Variants in ZNF124 observed in about 807,000 individuals in gnomAD.
ZNF124 encodes the protein zinc finger protein 124.
A neutral mutation model predicts 26.6 loss-of-function variants in ZNF124; 25 were observed. That is an observed-to-expected ratio of 0.94 (90% confidence interval 0.68 to 1.31). The LOEUF is 1.31. Ranked by LOEUF, ZNF124 falls within the 40% of genes most tolerant of loss-of-function variation. The probability of loss-of-function intolerance (pLI) is 0.00; values close to 1 mark genes in which losing one functional copy is unlikely to be tolerated. For missense variants in ZNF124, 444 were observed against 422.2 expected (o/e 1.05, Z -0.45); for synonymous variants, 129 against 133.3 (o/e 0.97, Z 0.22).
In ZNF124 at chr1:247,123,896, T is replaced by C. The variant is rs2103095706; in HGVS notation, c.219-25A>G. On this transcript the variant is annotated intron_variant, in intron 3 of 3. Transcript: ENST00000472531. ...TCTGCAAGAAAAGGCATGATACTGA[T>C]TGCAAAAATGGCAGCAACTCTTCAT... 7.1e-6 allele frequency: 5 copies of C among 702,198 alleles called. No individual in the cohort carries two copies. In the East Asian group the frequency reaches 8.0e-5, roughly 11 times the overall value. The allele number at this position is 702,198 out of a possible 1,614,324, so 43.5% of individuals were successfully genotyped here.
chr1:247,157,951 A>T (rs1361207851), intron 3 of ZNF124, among the ~76,000 whole-genome samples: 16 of 79,114 alleles, frequency 2.0e-4, no homozygotes, highest in African/African-American at 8.8e-4. Context: ...TCCGATTGTT[A>T]AAAAAAAAAA....
chr1:247,147,228 CT>C (rs549013458), intron 3 of ZNF124, among the ~76,000 whole-genome samples: 15,756 of 127,118 alleles, frequency 0.12, 1,015 homozygotes, highest in African/African-American at 0.23. Context: ...ATTGGCTTAA[CT>C]TTTTTTTTTT....
At chr1:247,126,125 G>C (rs909962822) in intron 3 of ZNF124, among the ~76,000 whole-genome samples, 1 of 151,948 alleles carries the variant, frequency 6.6e-6, no homozygotes, top group Non-Finnish European at 1.5e-5. Context: ...TTATTATATT[G>C]TACCCTATTT....
chr1:247,134,423 A>C (rs2103101773), intron 3 of ZNF124, among the ~76,000 whole-genome samples: 1 of 152,284 alleles, frequency 6.6e-6, no homozygotes, highest in East Asian at 1.9e-4. Context: ...TACCAAGCAA[A>C]TGTAAAGCAA....
At chr1:247,125,651 C>A (rs915022995) in intron 3 of ZNF124, among the ~76,000 whole-genome samples, 1 of 105,548 alleles carries the variant, frequency 9.5e-6, no homozygotes, top group African/African-American at 3.8e-5. Flanking sequence ...AGGCTGGTCT[C>A]CAACTCCTGA....
chr1:247,141,413 C>G (rs1672623754), intron 3 of ZNF124, among the ~76,000 whole-genome samples: 2 of 151,948 alleles, frequency 1.3e-5, no homozygotes, highest in South Asian at 4.2e-4. Flanking sequence ...GCACTGCTGG[C>G]ATAAGCTTGG....
rs559064745 is a variant in ZNF124 at position 247,132,766 on chromosome 1, T to C, written c.219-8895A>G. Reference sequence around the variant, plus strand: ...TAGAAAAGCACTGTGAAAATCCCTGTCCTGTTCTGTTCCGTTCTGATTACC... The same window carrying C: ...TAGAAAAGCACTGTGAAAATCCCTGCCCTGTTCTGTTCCGTTCTGATTACC... On this transcript the variant is annotated intron_variant, in intron 3 of 3. Transcript: ENST00000472531. Among the ~76,000 whole-genome samples, 5 of 152,306 alleles carry C rather than the reference T, an allele frequency of 3.3e-5. No individual in the cohort carries two copies. In the East Asian group the frequency reaches 9.7e-4, roughly 29 times the overall value.
In ZNF124 at chr1:247,159,821, A is replaced by G. The variant is rs1558388746; in HGVS notation, c.31-8T>C. On this transcript the variant is annotated splice_polypyrimidine_tract_variant and splice_region_variant and intron_variant, in intron 1 of 3. Coordinates refer to ENST00000543802, the MANE Select transcript of ZNF124 (RefSeq NM_001297568.2). ...CTCAAAGGCAACCGAGTTCTAAAATATTCCACATTTTTGTAGAGGATGGAT... is the reference window on the plus strand; with the variant it reads ...CTCAAAGGCAACCGAGTTCTAAAATGTTCCACATTTTTGTAGAGGATGGAT... The G allele has an allele frequency of 6.2e-7, 1 of 1,608,036 alleles. No homozygotes were observed.
At chr1:247,138,961 A>G (rs1672557341) in intron 3 of ZNF124, among the ~76,000 whole-genome samples, 1 of 152,204 alleles carries the variant, frequency 6.6e-6, no homozygotes, top group African/African-American at 2.4e-5. Context: ...AGAAACTCAA[A>G]AGAATGCAAC....
chr1:247,148,048 G>T (rs1672832443), intron 3 of ZNF124, among the ~76,000 whole-genome samples: 1 of 152,362 alleles, frequency 6.6e-6, no homozygotes, highest in South Asian at 2.1e-4. Context: ...CCTGTTGACT[G>T]CTTTCAGCAA....
chr1:247,123,480 C>A (rs1019188414), exon 4 of ZNF124: 2 of 169,094 alleles, frequency 1.2e-5, no homozygotes, highest in African/African-American at 4.8e-5. Flanking sequence ...CAGGCGTGAG[C>A]CACTGCGCCC....
rs1673063960 is a variant in ZNF124 at position 247,155,314 on chromosome 1, C to T, written c.*1252G>A. ...TAATTAAACTACACAGAAGTTAAAC[C>T]TACAAATACATTTCACACATCTACT... On this transcript the variant is annotated 3_prime_UTR_variant, in exon 4 of 4. Transcript: ENST00000543802. 6.6e-6 allele frequency among the ~76,000 whole-genome samples: 1 copy of T among 151,954 alleles called. No individual in the cohort carries two copies. The highest frequency in any genetic ancestry group is 2.1e-4 in the South Asian group (1 of 4,822).
intron 3 of ZNF124, among the ~76,000 whole-genome samples, chr1:247,133,534 C>T (rs1299905665): frequency 6.6e-6 from 1 of 152,038 alleles, no homozygotes; most frequent in African/African-American, 2.4e-5. Context: ...TTAAGGGCAG[C>T]CAGATAGAAT....
chr1:247,172,337 T>C (rs1674120797), upstream of ZNF124, among the ~76,000 whole-genome samples: 1 of 152,074 alleles, frequency 6.6e-6, no homozygotes, highest in Non-Finnish European at 1.5e-5. Context: ...ATAATTCTTT[T>C]AAAATTTCAG....
intron 3 of ZNF124, among the ~76,000 whole-genome samples, chr1:247,137,673 A>G (rs1672520125): frequency 1.3e-5 from 2 of 152,052 alleles, no homozygotes; most frequent in African/African-American, 2.4e-5. Context: ...TGAACAGGCA[A>G]CCTACAAAAT....
At chr1:247,122,762 C>T (rs1455729591) in exon 4 of ZNF124, 1 of 152,216 alleles carries the variant, frequency 6.6e-6, no homozygotes, top group Non-Finnish European at 1.5e-5. Flanking sequence ...ACCTTTATGT[C>T]AGATCTTTCA....
downstream of ZNF124, among the ~76,000 whole-genome samples, chr1:247,151,492 A>C (rs1427347428): frequency 4.6e-5 from 7 of 152,068 alleles, no homozygotes; most frequent in Non-Finnish European, 8.8e-5. Flanking sequence ...AAAAAAAAAA[A>C]AAACCATGTG....
intron 3 of ZNF124, among the ~76,000 whole-genome samples, chr1:247,127,696 C>T (rs942942646): frequency 6.7e-6 from 1 of 148,712 alleles, no homozygotes; most frequent in Non-Finnish European, 1.5e-5. Context: ...GTGCATGCAG[C>T]CCCCAGTCAC....
In ZNF124 at chr1:247,159,707, A is replaced by C; in HGVS notation, c.137T>G (p.Phe46Cys). 1 of 1,612,402 alleles carries C rather than the reference A, an allele frequency of 6.2e-7. No individual in the cohort carries two copies. Among genetic ancestry groups the C allele is most frequent in the Non-Finnish European group, 8.5e-7 (1 of 1,179,610 alleles). ...NLYRDVMQET[F>C]RNLASIGNKG... Reference sequence around the variant, plus strand: ...CTTACCTATGGAAGCCAGATTCCTGAAGGTTTCCTGCATCACGTCTCTATA... The same window carrying C: ...CTTACCTATGGAAGCCAGATTCCTGCAGGTTTCCTGCATCACGTCTCTATA... Residue 46 changes from phenylalanine (F) to cysteine (C), a missense_variant, in exon 2 of 4, where the codon TTC becomes TGC. Physicochemically the swap from Phe to Cys is radical, Grantham distance 205. Transcript: ENST00000543802.
Sources: gnomAD v4.1 joint callset for allele counts (sites outside exome capture counted in the v4.1 genomes callset) on GRCh38, gnomAD v4.1.1 for gene constraint, MANE v1.5 for transcripts, NCBI Gene and HGNC (gene_info 2026-07-23, HGNC 2026-07-21) for gene names.